The following SNTG2 variants were observed in gnomAD, a reference collection of about 807,000 sequenced individuals.
SNTG2 encodes the protein gamma-2-syntrophin.
SNTG2 carries 74 observed loss-of-function variants against 70.9 expected under a neutral mutation model. The observed-to-expected ratio is 1.04, with a 90% CI of 0.86 to 1.27. The LOEUF (loss-of-function observed/expected upper bound fraction) is 1.27. SNTG2 is among the 50% of genes most tolerant of loss of function. SNTG2 has a pLI of 0.00. For missense variants in SNTG2, 717 were observed against 690.7 expected, an observed-to-expected ratio of 1.04 and a Z score of -0.43; for synonymous variants, 278 against 273.8, an observed-to-expected ratio of 1.02 and a Z score of -0.15.
At chr2:1,163,294 G>C (rs1421554200) in intron 6 of SNTG2, 1 of 151,402 alleles carries the variant, frequency 6.6e-6, no homozygotes, top group Non-Finnish European at 1.5e-5. Context: ...CAGGAGGTGG[G>C]TGTGTGAGGC....
chr2:1,159,103 TAC>T (rs962885746), intron 6 of SNTG2, among the ~76,000 whole-genome samples: 37 of 57,286 alleles, frequency 6.5e-4, no homozygotes, highest in South Asian at 8.9e-4. Context: ...TGCATGCGTG[TAC>T]CTGTGTGTTC....
chr2:1,259,149 T>C (rs561492597), intron 12 of SNTG2, among the ~76,000 whole-genome samples: 1 of 152,310 alleles, frequency 6.6e-6, no homozygotes, highest in Non-Finnish European at 1.5e-5. Context: ...TTCCTGTCGG[T>C]AAAGGATCTA....
chr2:1,133,805 T>G (rs1013642141), intron 4 of SNTG2, among the ~76,000 whole-genome samples: 2 of 152,220 alleles, frequency 1.3e-5, no homozygotes, highest in African/African-American at 4.8e-5. Context: ...GGAATGACTC[T>G]TCTTCCTCCT....
intron 6 of SNTG2, among the ~76,000 whole-genome samples, chr2:1,152,552 A>G (rs146274896): frequency 2.3e-4 from 32 of 139,242 alleles, no homozygotes; most frequent in African/African-American, 7.6e-4. Flanking sequence ...GCACACACGT[A>G]TGTTTCTAGG....
intron 1 of SNTG2, among the ~76,000 whole-genome samples, chr2:1,031,115 T>C (rs1477615909): frequency 1.3e-5 from 2 of 152,204 alleles, no homozygotes; most frequent in Non-Finnish European, 2.9e-5. Context: ...GCTCCAATAT[T>C]GCATGAAACA....
At chr2:1,357,557 C>T (rs1660918726) in intron 16 of SNTG2, among the ~76,000 whole-genome samples, 1 of 152,080 alleles carries the variant, frequency 6.6e-6, no homozygotes, top group Admixed American at 6.5e-5. Context: ...GTGTTCTGTC[C>T]TCTTCAGTTT....
intron 8 of SNTG2, among the ~76,000 whole-genome samples, chr2:1,197,779 CT>C (rs1206893704): frequency 6.6e-6 from 1 of 151,974 alleles, no homozygotes; most frequent in Non-Finnish European, 1.5e-5. Context: ...AGTGATCCAA[CT>C]GCCTCAGCCT....
intron 16 of SNTG2, among the ~76,000 whole-genome samples, chr2:1,332,091 C>T (rs1363641713): frequency 2.0e-5 from 3 of 152,212 alleles, no homozygotes; most frequent in African/African-American, 7.2e-5. Context: ...CTCAGCTTGT[C>T]TTCCTGTGAA....
intron 12 of SNTG2, among the ~76,000 whole-genome samples, chr2:1,247,775 T>A (rs1015937161): frequency 6.6e-6 from 1 of 152,150 alleles, no homozygotes; most frequent in Non-Finnish European, 1.5e-5. Context: ...CCAAGAAACA[T>A]ACAAAATACA....
At position 1,168,690 on chromosome 2, in the gene SNTG2, C is replaced by G. The variant is rs140902433; in HGVS notation, c.499+3055C>G. Among the ~76,000 whole-genome samples the G allele has an allele frequency of 1.4e-4, 21 of 152,282 alleles. No homozygotes were observed. In the East Asian group the frequency reaches 2.7e-3, roughly 20 times the overall value. On this transcript the variant is annotated intron_variant, in intron 7 of 16. Coordinates refer to ENST00000308624, the MANE Select transcript of SNTG2 (RefSeq NM_018968.4). ...ATGCTATTCACAATCTTAGGAAAAT[C>G]GATCTTCCTGCCATTGTAGCAAACC... is the stretch of plus-strand genomic sequence containing the variant.
chr2:1,281,241 GTGTGGTGTGTGTGTGGTGGTA>G (rs1679507764), intron 14 of SNTG2, among the ~76,000 whole-genome samples: 2 of 92,850 alleles, frequency 2.2e-5, no homozygotes, highest in African/African-American at 4.5e-5. Flanking sequence ...GTGGTGTGGT[GTGTGGTGTGTGTGTGGTGGTA>G]TGTGTGTGCT....
At chr2:1,224,420 C>A (rs955017161) in intron 9 of SNTG2, among the ~76,000 whole-genome samples, 1 of 152,198 alleles carries the variant, frequency 6.6e-6, no homozygotes, top group Non-Finnish European at 1.5e-5. Flanking sequence ...TGACCCTTGA[C>A]CTTTGACCTG....
intron 1 of SNTG2, among the ~76,000 whole-genome samples, chr2:994,666 T>A (rs1353809612): frequency 6.6e-6 from 1 of 152,034 alleles, no homozygotes; most frequent in East Asian, 1.9e-4. Flanking sequence ...ATTTTAACTG[T>A]ATTGCCTTCA....
At chr2:1,147,170 T>A (rs1304621714) in intron 6 of SNTG2, among the ~76,000 whole-genome samples, 2 of 152,232 alleles carry the variant, frequency 1.3e-5, no homozygotes, top group African/African-American at 4.8e-5. Context: ...TTGAGGACTA[T>A]TTTTGATCTC....
At chr2:1,301,846 T>C (rs1360912740) in intron 14 of SNTG2, among the ~76,000 whole-genome samples, 1 of 152,022 alleles carries the variant, frequency 6.6e-6, no homozygotes, top group Non-Finnish European at 1.5e-5. Context: ...GGAAGTTCTC[T>C]AAACAGAAAT....
At chr2:992,966 C>T (rs78823138) in intron 1 of SNTG2, among the ~76,000 whole-genome samples, 1 of 152,120 alleles carries the variant, frequency 6.6e-6, no homozygotes, top group Non-Finnish European at 1.5e-5. Context: ...GATTACCCCT[C>T]CCCCCAAATC....
chr2:1,191,471 G>A (rs1329004185), intron 8 of SNTG2, among the ~76,000 whole-genome samples: 2 of 152,190 alleles, frequency 1.3e-5, no homozygotes, highest in Non-Finnish European at 2.9e-5. Context: ...TCAGAAAGCA[G>A]GGCCCAGAGA....
chr2:1,010,556 G>A (rs1026177575), intron 1 of SNTG2, among the ~76,000 whole-genome samples: 3 of 152,212 alleles, frequency 2.0e-5, no homozygotes, highest in Non-Finnish European at 4.4e-5. Flanking sequence ...ACGGCCAACA[G>A]GATGCCACAG....
chr2:1,331,993 G>C lies in SNTG2; in HGVS notation c.1488+15618G>C, dbSNP rs369845503. On this transcript the variant is annotated intron_variant, in intron 16 of 16. Coordinates refer to ENST00000308624, the MANE Select transcript of SNTG2 (RefSeq NM_018968.4). ...TGTTCTTCACGACACAACCCAGCCT[G>C]GTGCCTGCTCGGCTGCCTCTTCCCT... Among the ~76,000 whole-genome samples, 691 of 152,082 alleles carry C rather than the reference G, an allele frequency of 4.5e-3. 7 individuals carry two copies. The highest frequency in any genetic ancestry group is 0.016 in the African/African-American group (647 of 41,486).
Sources: gnomAD v4.1 joint callset for allele counts (sites outside exome capture counted in the v4.1 genomes callset) on GRCh38, gnomAD v4.1.1 for gene constraint, MANE v1.5 for transcripts, NCBI Gene and HGNC (gene_info 2026-07-23, HGNC 2026-07-21) for gene names.